The following SEMA3D variants were observed in gnomAD, a reference collection of about 807,000 sequenced individuals.
SEMA3D encodes the protein semaphorin 3D, also known as semaphorin-3D.
Under a neutral mutation model 100.1 loss-of-function variants are expected in SEMA3D, and 84 were observed. The observed-to-expected ratio is 0.84, with a 90% CI of 0.70 to 1.01. The LOEUF is 1.01. SEMA3D is among the 50% of genes least tolerant of loss of function. The pLI, the probability that SEMA3D is intolerant of heterozygous loss-of-function variation, is 0.00. For synonymous variants in SEMA3D, 312 were observed against 320.7 expected, an observed-to-expected ratio of 0.97 and a Z score of 0.29; for missense variants, 875 against 934.1, an observed-to-expected ratio of 0.94 and a Z score of 0.82.
intron 1 of SEMA3D, among the ~76,000 whole-genome samples, chr7:85,185,736 G>A (rs74877748): frequency 0.033 from 5,077 of 152,280 alleles, 110 homozygotes; most frequent in Non-Finnish European, 0.047. Context: ...AGCCCAGGAG[G>A]TTGAACTCGA....
At chr7:85,159,800 T>G in intron 1 of SEMA3D, 1 of 978,974 alleles carries the variant, frequency 1.0e-6, no homozygotes, top group South Asian at 4.7e-5. Context: ...CAGCAGGCTA[T>G]CTAATACCAG....
chr7:85,111,929 C>A (rs1789108062), intron 3 of SEMA3D, among the ~76,000 whole-genome samples: 1 of 152,078 alleles, frequency 6.6e-6, no homozygotes, highest in African/African-American at 2.4e-5. Flanking sequence ...TTCCTGATAT[C>A]TGCATGACTA....
chr7:85,163,728 A>T (rs1013928010), intron 1 of SEMA3D, among the ~76,000 whole-genome samples: 1 of 152,160 alleles, frequency 6.6e-6, no homozygotes, highest in South Asian at 2.1e-4. Context: ...TTAATCATTT[A>T]AAGTGGCTCA....
chr7:85,022,729 A>G (rs939882066), intron 12 of SEMA3D, 116 bp from the exon 13 acceptor site: 8 of 692,190 alleles, frequency 1.2e-5, no homozygotes, highest in Admixed American at 1.1e-4. Context: ...AATGGACAAC[A>G]GAGTCAATAT....
the SEMA3D span, among the ~76,000 whole-genome samples, chr7:85,248,636 T>C: frequency 6.6e-6 from 1 of 152,136 alleles, no homozygotes; most frequent in Non-Finnish European, 1.5e-5. Flanking sequence ...TGGAATATTA[T>C]TCAGCACTGA....
At chr7:85,006,770 A>G in intron 18 of SEMA3D, 32 bp downstream of exon 18, 1 of 1,545,232 alleles carries the variant, frequency 6.5e-7, no homozygotes, top group Non-Finnish European at 8.8e-7. Flanking sequence ...TATTTCCCTC[A>G]AAGTGAGTAT....
chr7:85,027,891 C>A, intron 12 of SEMA3D: 1 of 574,896 alleles, frequency 1.7e-6, no homozygotes, highest in Non-Finnish European at 3.4e-6. Flanking sequence ...GGGTGTTTTC[C>A]AGCAAGGAAA....
chr7:85,072,861 G>A (rs971532880), intron 6 of SEMA3D, 101 bp downstream of exon 6: 3 of 956,338 alleles, frequency 3.1e-6, no homozygotes, highest in Non-Finnish European at 4.6e-6. Context: ...GGCCATATAT[G>A]TTTCAGTCCT....
intron 18 of SEMA3D, among the ~76,000 whole-genome samples, chr7:85,006,237 T>TC (rs1472444039): frequency 6.6e-6 from 1 of 152,020 alleles, no homozygotes; most frequent in East Asian, 1.9e-4. Context: ...AATTGGGGGC[T>TC]CAGGAACATT....
At chr7:85,085,954 AG>A (rs796149942) in intron 4 of SEMA3D, among the ~76,000 whole-genome samples, 46 of 152,320 alleles carry the variant, frequency 3.0e-4, no homozygotes, top group African/African-American at 1.1e-3. Context: ...TAGTTGATGA[AG>A]CCATACAACT....
intron 2 of SEMA3D, chr7:85,140,195 T>C (rs1348012561): frequency 3.6e-6 from 2 of 553,566 alleles, no homozygotes; most frequent in African/African-American, 4.1e-5. Flanking sequence ...TTTAATGTTT[T>C]TTAACATCAA....
intron 1 of SEMA3D, among the ~76,000 whole-genome samples, chr7:85,171,152 T>C (rs1008968729): frequency 5.9e-5 from 9 of 152,148 alleles, no homozygotes; most frequent in African/African-American, 7.2e-5. Context: ...TCACAACCAG[T>C]AGGAGACGGC....
chr7:85,135,780 TAAA>T lies in SEMA3D; in HGVS notation c.-40-13852_-40-13850del, dbSNP rs77193345. On this transcript the variant is annotated intron_variant, in intron 2 of 18. Coordinates refer to ENST00000284136, the MANE Select transcript of SEMA3D (RefSeq NM_001384900.1). ...CCTCTTCCTATCCCTGTTGGCTCAGTAAAAAAAAAAAAAAAATTATAATAAGAA... is the reference window on the plus strand; with the variant it reads ...CCTCTTCCTATCCCTGTTGGCTCAGTAAAAAAAAAAAAATTATAATAAGAA... Among the ~76,000 whole-genome samples, 1,132 of 142,276 alleles carry T rather than the reference TAAA, an allele frequency of 8.0e-3. 18 individuals are homozygous for T. Among genetic ancestry groups the T allele is most frequent in the African/African-American group, 0.027 (1,085 of 39,558 alleles). The allele number at this position is 142,276 out of a possible 152,430, so 93.3% of individuals were successfully genotyped here.
rs374391942 is a variant in SEMA3D at position 85,022,522 on chromosome 7, T to C, written c.1283A>G (p.Tyr428Cys). 33 of 1,612,414 alleles carry C rather than the reference T, an allele frequency of 2.0e-5. No homozygotes were observed. Among genetic ancestry groups the C allele is most frequent in the East Asian group, 1.3e-4 (6 of 44,818 alleles). ...TCCTGCAACTGGGTATACGGACTTA[T>C]ACATCACAGAGTGCCGCTTTATGAA... ...ISFIKRHSVM[Y>C]KSVYPVAGGP... The change falls in exon 13 of 19, where the codon TAT becomes TGT. Residue 428 changes from tyrosine (Y) to cysteine (C), a missense_variant. Transcript: ENST00000284136.
chr7:85,193,006 G>A, the SEMA3D span, among the ~76,000 whole-genome samples: 1 of 152,068 alleles, frequency 6.6e-6, no homozygotes, highest in African/African-American at 2.4e-5. Context: ...TAACATAGCC[G>A]TTAACTTCTG....
At chr7:85,102,730 C>G (rs2116332512) in intron 3 of SEMA3D, among the ~76,000 whole-genome samples, 1 of 152,050 alleles carries the variant, frequency 6.6e-6, no homozygotes, top group Middle Eastern at 3.4e-3. Flanking sequence ...TGGTGAATCC[C>G]TGAATTACGG....
At chr7:85,248,094 G>C in the SEMA3D span, among the ~76,000 whole-genome samples, 5 of 151,978 alleles carry the variant, frequency 3.3e-5, no homozygotes, top group East Asian at 7.7e-4. Flanking sequence ...TGAGATACAG[G>C]ACTGAAATAT....
intron 3 of SEMA3D, among the ~76,000 whole-genome samples, chr7:85,105,982 T>C (rs1045304234): frequency 4.6e-5 from 7 of 152,106 alleles, no homozygotes; most frequent in African/African-American, 1.7e-4. Context: ...GGATGCTTTA[T>C]ATAATCCATC....
the SEMA3D span, among the ~76,000 whole-genome samples, chr7:85,235,260 G>T: frequency 4.2e-3 from 636 of 152,082 alleles, 1 homozygote; most frequent in Non-Finnish European, 7.0e-3. Context: ...TCTTATAGTG[G>T]TATGTTCTGA....
Sources: gnomAD v4.1 joint callset for allele counts (sites outside exome capture counted in the v4.1 genomes callset) on GRCh38, gnomAD v4.1.1 for gene constraint, MANE v1.5 for transcripts, NCBI Gene and HGNC (gene_info 2026-07-23, HGNC 2026-07-21) for gene names.